ACOT7: variants seen among roughly 807,000 people sequenced by gnomAD.
ACOT7 encodes acyl-CoA thioesterase 7.
A neutral mutation model predicts 40.2 loss-of-function variants in ACOT7; 12 were observed. The ratio of observed to expected loss-of-function variants is 0.30; its 90% CI spans 0.19 to 0.48. ACOT7 has a LOEUF of 0.48. ACOT7 is among the 20% of genes least tolerant of loss of function. The probability of loss-of-function intolerance (pLI) is 0.99; values close to 1 mark genes in which losing one functional copy is unlikely to be tolerated. For synonymous variants in ACOT7, 228 were observed against 219.5 expected, an observed-to-expected ratio of 1.04 and a Z score of -0.34; for missense variants, 395 against 530.8, an observed-to-expected ratio of 0.74 and a Z score of 2.51.
In ACOT7 at chr1:6,278,391, GCTGAGGACTGAGCA is replaced by G. The variant is rs1639261120; in HGVS notation, c.1014+2697_1014+2710del. Reference sequence around the variant, plus strand: ...AGCACCAGGAACAGAGGAAGGAGCAGCTGAGGACTGAGCAGGGGCCCCATGGGGACGGGGCAGTA... The same window carrying G: ...AGCACCAGGAACAGAGGAAGGAGCAGGGGGCCCCATGGGGACGGGGCAGTA... On this transcript the variant is annotated intron_variant, in intron 8 of 8. Coordinates refer to ENST00000361521, the MANE Select transcript of ACOT7 (RefSeq NM_007274.4). The surrounding 1 kb of genome is among the most constrained non-coding windows in gnomAD (Gnocchi z 4.1). 6.6e-6 allele frequency among the ~76,000 whole-genome samples: 1 copy of G among 152,170 alleles called. No individual in the cohort carries two copies. Among genetic ancestry groups the G allele is most frequent in the Non-Finnish European group, 1.5e-5 (1 of 68,020 alleles).
chr1:6,275,769 C>T lies in ACOT7; in HGVS notation c.1014+5333G>A, dbSNP rs2148371581. Among the ~76,000 whole-genome samples, 1 of 151,788 alleles carries T rather than the reference C, an allele frequency of 6.6e-6. No individual in the cohort carries two copies. Among genetic ancestry groups the T allele is most frequent in the African/African-American group, 2.4e-5 (1 of 41,392 alleles). On this transcript the variant is annotated intron_variant, in intron 8 of 8. Transcript: ENST00000361521. The surrounding 1 kb of genome is among the most constrained non-coding windows in gnomAD (Gnocchi z 5.6). Reference sequence around the variant, plus strand: ...TGGCCGCACCTGCCTTCATTACTGCCTCCCACTTCCATCCAGAAAACATTT... The same window carrying T: ...TGGCCGCACCTGCCTTCATTACTGCTTCCCACTTCCATCCAGAAAACATTT...
At position 6,393,254 on chromosome 1, in the gene ACOT7, T is replaced by G; in HGVS notation, c.143+3A>C. 2 of 1,280,736 alleles carry G rather than the reference T, an allele frequency of 1.6e-6. No homozygotes were observed. Among genetic ancestry groups the G allele is most frequent in the Non-Finnish European group, 2.0e-6 (2 of 1,012,826 alleles). The allele number at this position is 1,280,736 out of a possible 1,614,324, so 79.3% of individuals were successfully genotyped here. A position where few individuals can be genotyped will look rare whatever the true frequency, so the allele number is the denominator to read the frequency against. ...TGCAGGCTGCGCGCGGGCCCTCTCT[T>G]ACCGGCAGATCTGGATGGCGGACGG... is the stretch of plus-strand genomic sequence containing the variant. On this transcript the variant is annotated splice_donor_region_variant and intron_variant, in intron 1 of 8. Transcript: ENST00000361521.
chr1:6,314,057 A>G (rs1220366432), intron 6 of ACOT7, among the ~76,000 whole-genome samples: 1 of 152,200 alleles, frequency 6.6e-6, no homozygotes, highest in East Asian at 1.9e-4. Flanking sequence ...GGAGGACTGA[A>G]GGCGGACCCC....
chr1:6,306,774 G>C lies in ACOT7; in HGVS notation c.712+11718C>G. ...TTCCTTGCCCCAACACTGAGGGTCT[G>C]GTGTGTTGTGTCCCACGTAGCAGTG... On this transcript the variant is annotated intron_variant, in intron 6 of 8. Transcript: ENST00000361521. This position sits in a 1 kb window ranked among gnomAD's most constrained non-coding sequence, Gnocchi z 4.3. 2 of 1,285,032 alleles carry C rather than the reference G, an allele frequency of 1.6e-6. No individual in the cohort carries two copies. The highest frequency in any genetic ancestry group is 2.0e-6 in the Non-Finnish European group (2 of 985,750). The allele number at this position is 1,285,032 out of a possible 1,614,324, so 79.6% of individuals were successfully genotyped here.
chr1:6,346,644 C>T (rs1163233985), intron 2 of ACOT7, among the ~76,000 whole-genome samples: 1 of 152,220 alleles, frequency 6.6e-6, no homozygotes, highest in Non-Finnish European at 1.5e-5. Flanking sequence ...CAGCACTGTG[C>T]CCTGACTCCA....
chr1:6,269,560 G>A (rs1392215489), intron 8 of ACOT7, among the ~76,000 whole-genome samples: 1 of 152,266 alleles, frequency 6.6e-6, no homozygotes, highest in Non-Finnish European at 1.5e-5. Flanking sequence ...GCGGGCACGA[G>A]CCCAGGTGCA....
chr1:6,393,360 G>A lies in ACOT7; in HGVS notation c.40C>T (p.Pro14Ser), dbSNP rs1435021831. 12 of 1,240,248 alleles carry A rather than the reference G, an allele frequency of 9.7e-6. No individual in the cohort carries two copies. The highest frequency in any genetic ancestry group is 3.1e-5 in the African/African-American group (2 of 64,562). 76.8% of individuals were successfully genotyped at this position (1,240,248 alleles called of 1,614,324 possible). A position where few individuals can be genotyped will look rare whatever the true frequency, so the allele number is the denominator to read the frequency against. Residue 14 changes from proline (P) to serine (S), a missense_variant, in exon 1 of 9, where the codon CCA (proline) becomes TCA (serine). Physicochemically the swap from Pro to Ser is moderately conservative, Grantham distance 74 (BLOSUM62 -1). Around this residue, in one of 2 missense-constraint regions of ACOT7, gnomAD observed 86 missense variants for 60.5 expected, o/e 1.42. Coordinates refer to ENST00000361521, the MANE Select transcript of ACOT7 (RefSeq NM_007274.4). ...PGLIHSAPGL[P>S]DTCALLQPPA... ...GGCTGCAGAAGGGCGCAGGTGTCTG[G>A]CAGGCCCGGCGCGGAATGAATGAGC...
intron 1 of ACOT7, among the ~76,000 whole-genome samples, chr1:6,364,540 C>G (rs950458033): frequency 9.0e-5 from 10 of 111,528 alleles, no homozygotes; most frequent in Non-Finnish European, 1.8e-4. Context: ...GAGACTCTGT[C>G]TCAAAAAAAA....
At chr1:6,264,787 C>A in intron 8 of ACOT7, 92 bp from the exon 9 acceptor site, 1 of 1,351,392 alleles carries the variant, frequency 7.4e-7, no homozygotes, top group Non-Finnish European at 1.0e-6. Flanking sequence ...GCCCCCCACC[C>A]GTGGGATCTG....
intron 8 of ACOT7, among the ~76,000 whole-genome samples, chr1:6,269,555 C>T (rs551374894): frequency 6.6e-6 from 1 of 152,380 alleles, no homozygotes; most frequent in Non-Finnish European, 1.5e-5. Flanking sequence ...CTGAGGCGGG[C>T]ACGAGCCCAG....
intron 5 of ACOT7, among the ~76,000 whole-genome samples, chr1:6,319,930 C>T (rs1489280725): frequency 6.6e-6 from 1 of 152,214 alleles, no homozygotes; most frequent in Non-Finnish European, 1.5e-5. Flanking sequence ...GTCTGAAACG[C>T]CTCCCACTTG....
At chr1:6,269,905 T>C (rs947683267) in intron 8 of ACOT7, among the ~76,000 whole-genome samples, 20 of 152,204 alleles carry the variant, frequency 1.3e-4, no homozygotes, top group Admixed American at 4.6e-4. Context: ...CGGGCGGCCT[T>C]CCTCCCTGAG....
At chr1:6,357,760 G>C (rs1205439580) in intron 1 of ACOT7, among the ~76,000 whole-genome samples, 2 of 152,138 alleles carry the variant, frequency 1.3e-5, no homozygotes, top group Non-Finnish European at 2.9e-5. Flanking sequence ...GACAAAACAG[G>C]CACGTGGATG....
At position 6,269,635 on chromosome 1, in the gene ACOT7, G is replaced by A. The variant is rs550225132; in HGVS notation, c.1015-4940C>T. On this transcript the variant is annotated intron_variant, in intron 8 of 8. Coordinates refer to ENST00000361521, the MANE Select transcript of ACOT7 (RefSeq NM_007274.4). ...GGTGCCCAGCAACGGGCCCCAAGGC[G>A]GCTCTGATGTGGCCCTGCTCTTTAA... is the stretch of plus-strand genomic sequence containing the variant. 8.3e-4 allele frequency among the ~76,000 whole-genome samples: 126 copies of A among 152,368 alleles called. 2 individuals are homozygous for A. Among genetic ancestry groups the A allele is most frequent in the South Asian group, 5.0e-3 (24 of 4,826 alleles).
chr1:6,378,195 G>C (rs1050226821), intron 1 of ACOT7, among the ~76,000 whole-genome samples: 1 of 149,658 alleles, frequency 6.7e-6, no homozygotes, highest in African/African-American at 2.4e-5. Flanking sequence ...AGAGGTAGTG[G>C]CTCAAGGTAA....
intron 6 of ACOT7, among the ~76,000 whole-genome samples, chr1:6,318,140 C>T (rs1225045456): frequency 1.3e-5 from 2 of 152,220 alleles, no homozygotes; most frequent in Admixed American, 6.5e-5. Context: ...ACTGCAACTT[C>T]GACCTCCTGG....
intron 1 of ACOT7, among the ~76,000 whole-genome samples, chr1:6,388,602 G>T (rs1642480143): frequency 6.6e-6 from 1 of 150,744 alleles, no homozygotes; most frequent in Non-Finnish European, 1.5e-5. Flanking sequence ...AGCCGAGTGT[G>T]GTGGTGGGTG....
chr1:6,390,798 TGA>T (rs1642520286), intron 1 of ACOT7, among the ~76,000 whole-genome samples: 16 of 149,968 alleles, frequency 1.1e-4, no homozygotes, highest in Admixed American at 8.7e-4. Flanking sequence ...TAGCCAGACA[TGA>T]TGGCGGGTAC....
intron 1 of ACOT7, among the ~76,000 whole-genome samples, chr1:6,350,520 C>T (rs915521944): frequency 6.6e-6 from 1 of 152,224 alleles, no homozygotes; most frequent in African/African-American, 2.4e-5. Context: ...TCATCCTTGC[C>T]GTGAGCAGCC....
Sources: allele counts gnomAD v4.1 joint callset (sites outside exome capture counted in the v4.1 genomes callset), GRCh38; gene constraint gnomAD v4.1.1; regional missense constraint gnomAD v4.1.1; non-coding constraint Gnocchi (gnomAD v3.1); transcripts MANE v1.5; gene names NCBI Gene and HGNC (gene_info 2026-07-23, HGNC 2026-07-21).